NCOR1: variants seen among roughly 807,000 people sequenced by gnomAD.
NCOR1 encodes the protein nuclear receptor corepressor 1, also known as protein phosphatase 1, regulatory subunit 109.
A neutral mutation model predicts 288.1 loss-of-function variants in NCOR1; 63 were observed. The ratio of observed to expected loss-of-function variants is 0.22; its 90% CI spans 0.18 to 0.27. The LOEUF is 0.27. Ranked by LOEUF, NCOR1 falls within the 10% of genes least tolerant of loss-of-function variation. NCOR1 has a pLI of 1.00. For missense variants in NCOR1, 2,397 were observed against 3,019.2 expected, an observed-to-expected ratio of 0.79 and a Z score of 4.83; for synonymous variants, 1,007 against 1,065.9, an observed-to-expected ratio of 0.94 and a Z score of 1.08.
intron 18 of NCOR1, among the ~76,000 whole-genome samples, chr17:16,111,375 G>A (rs1415338716): frequency 1.3e-5 from 2 of 152,178 alleles, no homozygotes; most frequent in Admixed American, 1.3e-4. Context: ...GCCAAGGCGG[G>A]CAGATAACTT....
intron 2 of NCOR1, among the ~76,000 whole-genome samples, chr17:16,187,660 T>C (rs1275696850): frequency 6.6e-6 from 1 of 151,972 alleles, no homozygotes; most frequent in Non-Finnish European, 1.5e-5. Flanking sequence ...TCCCAACACT[T>C]TGGGGAGGCC....
chr17:16,144,821 G>A (rs981562531), intron 10 of NCOR1, among the ~76,000 whole-genome samples: 9 of 141,880 alleles, frequency 6.3e-5, no homozygotes, highest in African/African-American at 2.4e-4. Flanking sequence ...TCCTTCTCCC[G>A]CTTTCCACGG....
chr17:16,167,122 TCAG>T (rs1282801888), intron 4 of NCOR1, among the ~76,000 whole-genome samples: 5 of 152,214 alleles, frequency 3.3e-5, no homozygotes. Flanking sequence ...ATATTTTGAT[TCAG>T]CAGACTTCAA....
rs760259611 is a variant in NCOR1, at chr17:16,039,508, G to A, written c.6880C>T (p.Pro2294Ser). 6.2e-7 allele frequency: 1 copy of A among 1,614,022 alleles called. No homozygotes were observed. Among genetic ancestry groups the A allele is most frequent in the Non-Finnish European group, 8.5e-7 (1 of 1,179,990 alleles). ...VVMSQPMGVVPGTANTSVVTS... is the reference protein window; with the variant it reads ...VVMSQPMGVVSGTANTSVVTS... ...ACAACTGAGGTGTTGGCAGTACCAG[G>A]CACTACTCCCATAGGCTGGGACATG... Residue 2294 changes from proline (P) to serine (S), a missense_variant, in exon 44 of 46, where the codon CCT (proline) becomes TCT (serine). Pro to Ser is a moderately conservative substitution (Grantham distance 74). Transcript: ENST00000268712.
intron 11 of NCOR1, 71 bp downstream of exon 11, chr17:16,143,535 C>A (rs1046809551): frequency 1.7e-6 from 2 of 1,200,818 alleles, no homozygotes; most frequent in Non-Finnish European, 2.4e-6. Context: ...TACAAAAAAA[C>A]CCTTAGCTCC....
chr17:16,089,179 C>T (rs1201414157), intron 22 of NCOR1, among the ~76,000 whole-genome samples: 1 of 148,906 alleles, frequency 6.7e-6, no homozygotes, highest in Non-Finnish European at 1.5e-5. Flanking sequence ...CAGCTATCTA[C>T]ATCACCATGT....
intron 34 of NCOR1, 70 bp downstream of exon 34, chr17:16,064,800 T>G: frequency 7.1e-7 from 1 of 1,415,504 alleles, no homozygotes. Flanking sequence ...CAAGATACCT[T>G]AAAAGGCTAT....
intron 1 of NCOR1, among the ~76,000 whole-genome samples, chr17:16,203,807 A>C (rs1312016732): frequency 2.0e-5 from 3 of 152,222 alleles, no homozygotes; most frequent in South Asian, 2.1e-4. Context: ...AAAGTGTGAA[A>C]ATCTATTGAG....
intron 31 of NCOR1, 66 bp downstream of exon 31, chr17:16,070,099 A>C: frequency 7.5e-7 from 1 of 1,334,120 alleles, no homozygotes; most frequent in Non-Finnish European, 1.0e-6. Flanking sequence ...ACTACTTGAC[A>C]AAGGTTTTTT....
At position 16,175,612 on chromosome 17, in the gene NCOR1, C is replaced by A. The variant is rs534788513; in HGVS notation, c.243-3617G>T. On this transcript the variant is annotated intron_variant, in intron 3 of 45. Transcript: ENST00000268712. Reference sequence around the variant, plus strand: ...CTTAATTTTCCTGTGCCCTGGTTGCCGGATGTAGTGGCTCACACGTTTCCC... The same window carrying A: ...CTTAATTTTCCTGTGCCCTGGTTGCAGGATGTAGTGGCTCACACGTTTCCC... Among the ~76,000 whole-genome samples, 3 of 152,060 alleles carry A rather than the reference C, an allele frequency of 2.0e-5. No individual in the cohort carries two copies. In the South Asian group the frequency reaches 6.2e-4, roughly 32 times the overall value.
chr17:16,094,217 T>A (rs1274056573), intron 21 of NCOR1, among the ~76,000 whole-genome samples: 1 of 152,124 alleles, frequency 6.6e-6, no homozygotes, highest in African/African-American at 2.4e-5. Flanking sequence ...TTTGCCTTAT[T>A]ATGCAGACCG....
chr17:16,145,165 T>C (rs1475326787), intron 10 of NCOR1, among the ~76,000 whole-genome samples: 1 of 152,242 alleles, frequency 6.6e-6, no homozygotes. Flanking sequence ...CCTCCCAAAG[T>C]GCCAGGATTG....
intron 21 of NCOR1, among the ~76,000 whole-genome samples, 199 bp from the exon 22 acceptor site, chr17:16,092,257 AG>A (rs766275695): frequency 2.0e-5 from 3 of 152,270 alleles, no homozygotes; most frequent in South Asian, 4.1e-4. Context: ...TGGGAGGCCG[AG>A]GCAGGCAGAT....
At chr17:16,043,931 A>T (rs2058192509) in intron 42 of NCOR1, among the ~76,000 whole-genome samples, 1 of 152,190 alleles carries the variant, frequency 6.6e-6, no homozygotes, top group African/African-American at 2.4e-5. Flanking sequence ...ACACTTTGGG[A>T]TGCTGAGGTG....
At position 16,057,635 on chromosome 17, in the gene NCOR1, T is replaced by C. The variant is rs199804512; in HGVS notation, c.6271A>G (p.Thr2091Ala). 1 of 1,614,046 alleles carries C rather than the reference T, an allele frequency of 6.2e-7. No individual in the cohort carries two copies. Among genetic ancestry groups the C allele is most frequent in the East Asian group, 2.2e-5 (1 of 44,872 alleles). Residue 2091 changes from threonine (T) to alanine (A), a missense_variant, in exon 40 of 46, where the codon ACA (threonine) becomes GCA (alanine). Physicochemically the swap from Thr to Ala is moderately conservative, Grantham distance 58 (BLOSUM62 0). Transcript: ENST00000268712. ...FQNSPSALVS[T>A]PVRTKTSNRY... ...TTTGATGTTTTAGTCCTCACAGGTG[T>C]AGATACCAAAGCAGAAGGTGAGTTC... is the stretch of plus-strand genomic sequence containing the variant.
chr17:16,046,773 T>C (rs62073590), intron 42 of NCOR1, 178 bp downstream of exon 42: 1 of 628,560 alleles, frequency 1.6e-6, no homozygotes, highest in East Asian at 3.3e-5. Context: ...AACTCCTGCC[T>C]CCTAATTAGA....
At chr17:16,167,833 C>G (rs1366623039) in intron 4 of NCOR1, among the ~76,000 whole-genome samples, 3 of 118,628 alleles carry the variant, frequency 2.5e-5, no homozygotes, top group Non-Finnish European at 5.0e-5. Context: ...GCACTCCAAC[C>G]TGGGTGATAG....
rs186475428 is a variant in NCOR1 at position 16,143,457 on chromosome 17, C to A, written c.1173+149G>T. The A allele has an allele frequency of 3.1e-5, 19 of 615,492 alleles. 1 individual carries two copies. The East Asian group carries it at 5.5e-4, about 18-fold the overall frequency. The allele number at this position is 615,492 out of a possible 1,614,324, so 38.1% of individuals were successfully genotyped here. On this transcript the variant is annotated intron_variant, in intron 11 of 45. Transcript: ENST00000268712. The stretch of plus-strand genomic sequence containing the variant: ...ATCGTGTGACTGCCTCGTTTAAAAA[C>A]CCTTTAACAGACACTCAAATCTTTG...
At chr17:16,190,344 CTT>C in intron 2 of NCOR1, among the ~76,000 whole-genome samples, 1 of 146,938 alleles carries the variant, frequency 6.8e-6, no homozygotes, top group East Asian at 2.0e-4. Flanking sequence ...GAAAGAATTT[CTT>C]TTTTTTTTTG....
Sources: gnomAD v4.1 joint callset for allele counts (sites outside exome capture counted in the v4.1 genomes callset) on GRCh38, gnomAD v4.1.1 for gene constraint, MANE v1.5 for transcripts, NCBI Gene and HGNC (gene_info 2026-07-23, HGNC 2026-07-21) for gene names.